MBD5: variants seen among roughly 807,000 people sequenced by gnomAD.
MBD5 encodes methyl-CpG binding domain protein 5.
Under a neutral mutation model 117.3 loss-of-function variants are expected in MBD5, and 13 were observed. That is an observed-to-expected ratio of 0.11 (90% CI 0.07 to 0.18). The LOEUF (loss-of-function observed/expected upper bound fraction) is 0.18. MBD5 is among the 10% of genes least tolerant of loss of function. The pLI, the probability that MBD5 is intolerant of heterozygous loss-of-function variation, is 1.00. For synonymous variants in MBD5, 727 were observed against 766.4 expected (o/e 0.95, Z 0.85); for missense variants, 1,879 against 2,093.8 (o/e 0.90, Z 2.00).
chr2:148,028,488 C>T (rs1693957660), intron 1 of MBD5: 1 of 151,932 alleles, frequency 6.6e-6, no homozygotes, highest in African/African-American at 2.4e-5. Context: ...TAGGGTTATC[C>T]TTGTATTCAC....
At chr2:148,203,091 C>T (rs1173644608) in intron 2 of MBD5, among the ~76,000 whole-genome samples, 6 of 133,996 alleles carry the variant, frequency 4.5e-5, no homozygotes, top group Admixed American at 3.2e-4. Context: ...GGCAACATCA[C>T]GAGACTCCAT....
At chr2:148,218,310 A>T (rs1489929166) in intron 2 of MBD5, among the ~76,000 whole-genome samples, 2 of 152,270 alleles carry the variant, frequency 1.3e-5, no homozygotes, top group African/African-American at 4.8e-5. Flanking sequence ...GATACCTGAG[A>T]CATTTTTTTT....
chr2:148,275,691 T>C (rs1395370482), intron 3 of MBD5, among the ~76,000 whole-genome samples: 1 of 152,160 alleles, frequency 6.6e-6, no homozygotes, highest in Non-Finnish European at 1.5e-5. Flanking sequence ...ACATTTAGAC[T>C]GGTGTTTGAG....
chr2:148,352,719 C>T (rs1703275887), intron 4 of MBD5, among the ~76,000 whole-genome samples: 1 of 151,972 alleles, frequency 6.6e-6, no homozygotes, highest in Admixed American at 6.6e-5. Context: ...CTTTTTATTG[C>T]TTAGTAGTGC....
chr2:148,440,107 C>G (rs575927635), intron 4 of MBD5, among the ~76,000 whole-genome samples: 2 of 152,252 alleles, frequency 1.3e-5, no homozygotes, highest in African/African-American at 4.8e-5. Context: ...ACTAATGAAT[C>G]TTTTCTGTTT....
At chr2:148,379,660 A>G (rs1704080115) in intron 4 of MBD5, among the ~76,000 whole-genome samples, 1 of 152,216 alleles carries the variant, frequency 6.6e-6, no homozygotes, top group African/African-American at 2.4e-5. Context: ...TAATACTACT[A>G]ATAGGTATTA....
intron 4 of MBD5, among the ~76,000 whole-genome samples, chr2:148,405,822 A>G (rs578193452): frequency 9.9e-5 from 15 of 152,242 alleles, no homozygotes; most frequent in South Asian, 2.1e-4. Flanking sequence ...TGTCTTCCAC[A>G]TAACAGTTGC....
chr2:148,411,911 A>C (rs538754088), intron 4 of MBD5, among the ~76,000 whole-genome samples: 32 of 152,070 alleles, frequency 2.1e-4, no homozygotes, highest in Non-Finnish European at 4.6e-4. Context: ...TCATCATGAA[A>C]TATTTCCCAG....
In MBD5 at chr2:148,468,342, T is replaced by C; in HGVS notation, c.399T>C (p.Asn133=). 2 of 1,613,188 alleles carry C rather than the reference T, an allele frequency of 1.2e-6. No individual in the cohort carries two copies. The highest frequency in any genetic ancestry group is 1.7e-6 in the Non-Finnish European group (2 of 1,179,430). ...LVLTSPGGGT[N]ATPVVPSRAA... is the part of the protein sequence containing the mutation. ...TTCTTTTTTTCTCTTTCACATCAGA[T>C]GCAACTCCAGTAGTACCTTCTCGGG... The change falls in exon 8 of 14, where the codon AAT becomes AAC. Residue 133 remains asparagine, a splice_region_variant and synonymous_variant. Coordinates refer to ENST00000642680, the MANE Select transcript of MBD5 (RefSeq NM_001378120.1).
At position 148,458,738 on chromosome 2, in the gene MBD5, A is replaced by G. The variant is rs1168469337; in HGVS notation, c.-21A>G. ...CATCTTATTGCTGATATCTTTGGAGAGTCCCTAGCAGACACAGAAAATGAA... is the reference window on the plus strand; with the variant it reads ...CATCTTATTGCTGATATCTTTGGAGGGTCCCTAGCAGACACAGAAAATGAA... On this transcript the variant is annotated 5_prime_UTR_variant, in exon 5 of 14. Transcript: ENST00000642680. 1 of 1,582,354 alleles carries G rather than the reference A, an allele frequency of 6.3e-7. No individual in the cohort carries two copies. The highest frequency in any genetic ancestry group is 8.7e-7 in the Non-Finnish European group (1 of 1,151,174).
intron 11 of MBD5, among the ~76,000 whole-genome samples, chr2:148,492,328 G>A (rs1681554008): frequency 6.6e-6 from 1 of 152,062 alleles, no homozygotes; most frequent in Non-Finnish European, 1.5e-5. Flanking sequence ...ACATAAAACT[G>A]TTGCTGTAAA....
chr2:148,421,097 A>C (rs1705589577), intron 4 of MBD5, among the ~76,000 whole-genome samples: 1 of 152,172 alleles, frequency 6.6e-6, no homozygotes, highest in South Asian at 2.1e-4. Flanking sequence ...CTATCCTCAA[A>C]TTGCCGTTTA....
intron 1 of MBD5, among the ~76,000 whole-genome samples, chr2:148,089,671 A>C (rs1437569221): frequency 2.6e-5 from 4 of 152,110 alleles, no homozygotes; most frequent in African/African-American, 9.6e-5. Context: ...ACTTATCAAA[A>C]CCTCTGGGAC....
At chr2:148,297,036 G>A (rs1282481202) in intron 3 of MBD5, among the ~76,000 whole-genome samples, 4 of 151,062 alleles carry the variant, frequency 2.6e-5, no homozygotes, top group South Asian at 4.2e-4. Flanking sequence ...CACCACGCCC[G>A]ACTAATTGTT....
chr2:148,045,960 T>A (rs1272209630), intron 1 of MBD5, among the ~76,000 whole-genome samples: 1 of 151,118 alleles, frequency 6.6e-6, no homozygotes, highest in Non-Finnish European at 1.5e-5. Flanking sequence ...GTTAGTATTG[T>A]CTTAATGAAG....
intron 1 of MBD5, among the ~76,000 whole-genome samples, chr2:148,100,667 T>A (rs569931169): frequency 6.6e-6 from 1 of 152,222 alleles, no homozygotes; most frequent in African/African-American, 2.4e-5. Context: ...GTGCCATATG[T>A]TCTCTCCTCA....
intron 1 of MBD5, among the ~76,000 whole-genome samples, chr2:148,035,870 T>C (rs989619392): frequency 6.6e-6 from 1 of 152,140 alleles, no homozygotes; most frequent in Non-Finnish European, 1.5e-5. Flanking sequence ...GCTTTAGATA[T>C]ATACAATGCT....
At chr2:148,249,762 C>G (rs1422845341) in intron 3 of MBD5, among the ~76,000 whole-genome samples, 2 of 151,990 alleles carry the variant, frequency 1.3e-5, no homozygotes, top group Non-Finnish European at 2.9e-5. Flanking sequence ...TTCCTCCTGC[C>G]TTCTATTACT....
intron 1 of MBD5, among the ~76,000 whole-genome samples, chr2:148,158,022 A>G (rs918844414): frequency 1.1e-4 from 16 of 152,224 alleles, no homozygotes; most frequent in Non-Finnish European, 7.3e-5. Flanking sequence ...TTAATTTTAC[A>G]TTATATGAAT....
Sources: allele counts gnomAD v4.1 joint callset (sites outside exome capture counted in the v4.1 genomes callset), GRCh38; gene constraint gnomAD v4.1.1; transcripts MANE v1.5; gene names NCBI Gene and HGNC (gene_info 2026-07-23, HGNC 2026-07-21).